Variants in CCSER1 observed in about 807,000 individuals in gnomAD.
CCSER1 encodes the protein serine-rich coiled-coil domain-containing protein 1.
Under a neutral mutation model 82.0 loss-of-function variants are expected in CCSER1, and 41 were observed. The ratio of observed to expected loss-of-function variants is 0.50; its 90% confidence interval spans 0.39 to 0.65. The LOEUF (loss-of-function observed/expected upper bound fraction) is 0.65. Among genes scored for constraint, CCSER1 ranks in the 30% least tolerant of loss-of-function variants. The pLI, the probability that CCSER1 is intolerant of heterozygous loss-of-function variation, is 0.00. For missense variants in CCSER1, 1,119 were observed against 1,064.2 expected (o/e 1.05, Z -0.72); for synonymous variants, 414 against 383.9 (o/e 1.08, Z -0.92).
intron 7 of CCSER1, among the ~76,000 whole-genome samples, chr4:90,807,349 C>G (rs1177066745): frequency 6.6e-6 from 1 of 152,010 alleles, no homozygotes; most frequent in Non-Finnish European, 1.5e-5. Flanking sequence ...CCATAATACC[C>G]AAGATTTGGG....
intron 4 of CCSER1, among the ~76,000 whole-genome samples, chr4:90,461,590 T>G (rs1047022897): frequency 1.3e-5 from 2 of 152,188 alleles, no homozygotes; most frequent in African/African-American, 4.8e-5. Flanking sequence ...TTTCCATTTC[T>G]CAATATATAT....
At chr4:90,275,073 G>A (rs966037855) in intron 1 of CCSER1, among the ~76,000 whole-genome samples, 1 of 151,980 alleles carries the variant, frequency 6.6e-6, no homozygotes, top group Non-Finnish European at 1.5e-5. Flanking sequence ...TAACTTTATC[G>A]TACTTGGAAA....
chr4:90,325,495 C>T, intron 3 of CCSER1: 2 of 191,994 alleles, frequency 1.0e-5, no homozygotes, highest in East Asian at 1.3e-4. Context: ...AAGTTTATCT[C>T]TTAATTTTCC....
intron 10 of CCSER1, among the ~76,000 whole-genome samples, chr4:91,556,176 G>C (rs1321821204): frequency 6.6e-6 from 1 of 151,188 alleles, no homozygotes; most frequent in African/African-American, 2.4e-5. Context: ...CAAGAAATGA[G>C]TGAATGCTAA....
At chr4:90,713,333 G>T (rs370393611) in intron 6 of CCSER1, among the ~76,000 whole-genome samples, 1 of 152,144 alleles carries the variant, frequency 6.6e-6, no homozygotes, top group Admixed American at 6.6e-5. Context: ...TGCAAGGCAG[G>T]CCTGGTAGTG....
intron 6 of CCSER1, among the ~76,000 whole-genome samples, chr4:90,713,672 G>C (rs1041190482): frequency 6.6e-6 from 1 of 151,846 alleles, no homozygotes; most frequent in African/African-American, 2.4e-5. Flanking sequence ...TGCATTTTCT[G>C]AATTTGAATG....
At position 90,308,737 on chromosome 4, in the gene CCSER1, T is replaced by G; in HGVS notation, c.453T>G (p.Cys151Trp). 1 of 1,613,740 alleles carries G rather than the reference T, an allele frequency of 6.2e-7. No homozygotes were observed. Among genetic ancestry groups the G allele is most frequent in the South Asian group, 1.1e-5 (1 of 91,060 alleles). Residue 151 changes from cysteine (C) to tryptophan (W), a missense_variant, in exon 2 of 11, where the codon TGT becomes TGG. Transcript: ENST00000509176. ...CTAACAAGAATGTCTTTATAAATTG[T>G]CTAAGTTCTGGCAAAAGTGAAGGGG... The part of the protein sequence containing the change: ...HSTNKNVFIN[C>W]LSSGKSEGDD...
chr4:91,033,516 G>A (rs1162626228), intron 9 of CCSER1, among the ~76,000 whole-genome samples: 5 of 152,212 alleles, frequency 3.3e-5, no homozygotes, highest in South Asian at 2.1e-4. Flanking sequence ...CAGTGTCTGG[G>A]GGCACAGATA....
chr4:91,064,151 T>G (rs200931078), intron 9 of CCSER1, among the ~76,000 whole-genome samples: 1 of 152,314 alleles, frequency 6.6e-6, no homozygotes, highest in East Asian at 1.9e-4. Context: ...CATTAATTTT[T>G]TCTGTGTAAC....
chr4:91,415,389 T>G (rs1264069566), intron 10 of CCSER1, among the ~76,000 whole-genome samples: 3 of 152,148 alleles, frequency 2.0e-5, no homozygotes, highest in African/African-American at 7.2e-5. Context: ...TGTTCCTATT[T>G]GAATATCCTT....
At chr4:90,914,137 A>G (rs909639031) in intron 8 of CCSER1, among the ~76,000 whole-genome samples, 6 of 152,216 alleles carry the variant, frequency 3.9e-5, no homozygotes, top group Admixed American at 1.3e-4. Context: ...CTGTGCACCA[A>G]GTGGACCTGA....
intron 10 of CCSER1, among the ~76,000 whole-genome samples, chr4:91,317,181 A>C (rs1262903464): frequency 6.6e-6 from 1 of 151,920 alleles, no homozygotes; most frequent in Admixed American, 6.6e-5. Context: ...GACAAACAAA[A>C]ATTAAATTAA....
intron 10 of CCSER1, among the ~76,000 whole-genome samples, chr4:91,222,430 A>G (rs1425052762): frequency 1.3e-5 from 2 of 152,172 alleles, no homozygotes; most frequent in Non-Finnish European, 2.9e-5. Context: ...AAAATGTTCA[A>G]TAAATACAAG....
intron 10 of CCSER1, among the ~76,000 whole-genome samples, chr4:91,434,016 G>A (rs1754488736): frequency 6.6e-6 from 1 of 152,194 alleles, no homozygotes; most frequent in Admixed American, 6.5e-5. Flanking sequence ...GACCGCTTGA[G>A]GAAGGAGCTC....
chr4:90,319,035 A>C (rs1433686904), intron 3 of CCSER1, among the ~76,000 whole-genome samples: 1 of 152,200 alleles, frequency 6.6e-6, no homozygotes, highest in Non-Finnish European at 1.5e-5. Flanking sequence ...AAATGGGCAC[A>C]TGAACTCCTG....
chr4:91,237,895 A>G (rs1739141107), intron 10 of CCSER1, among the ~76,000 whole-genome samples: 1 of 152,332 alleles, frequency 6.6e-6, no homozygotes, highest in East Asian at 1.9e-4. Flanking sequence ...ATTTGAGAGC[A>G]CTAAAAGTAT....
chr4:90,266,082 A>G (rs929586591), intron 1 of CCSER1, among the ~76,000 whole-genome samples: 93 of 152,280 alleles, frequency 6.1e-4, no homozygotes, highest in African/African-American at 2.1e-3. Context: ...TAAAACTGCA[A>G]TGTCCCACTA....
intron 10 of CCSER1, among the ~76,000 whole-genome samples, chr4:91,421,854 G>A (rs1395356755): frequency 6.6e-6 from 1 of 151,670 alleles, no homozygotes; most frequent in African/African-American, 2.4e-5. Context: ...AGGAAAGGCA[G>A]GTAAGCTGAG....
intron 10 of CCSER1, among the ~76,000 whole-genome samples, chr4:91,122,034 T>C (rs533328895): frequency 6.6e-4 from 101 of 151,880 alleles, no homozygotes; most frequent in African/African-American, 2.2e-3. Context: ...TGTGATTTGT[T>C]TCTCCTCCAA....
Sources: allele counts gnomAD v4.1 joint callset (sites outside exome capture counted in the v4.1 genomes callset), GRCh38; gene constraint gnomAD v4.1.1; transcripts MANE v1.5; gene names NCBI Gene and HGNC (gene_info 2026-07-23, HGNC 2026-07-21).